Variants in GRID1 observed in about 807,000 individuals in gnomAD.
GRID1 encodes glutamate ionotropic receptor delta type subunit 1, also known as glutamate receptor ionotropic, delta-1.
A neutral mutation model predicts 98.0 loss-of-function variants in GRID1; 28 were observed. The ratio of observed to expected loss-of-function variants is 0.29; its 90% CI spans 0.21 to 0.39. The LOEUF (loss-of-function observed/expected upper bound fraction) is 0.39, where lower values mean the gene tolerates loss of function less well. Among genes scored for constraint, GRID1 ranks in the 10% least tolerant of loss-of-function variants. The pLI, the probability that GRID1 is intolerant of heterozygous loss-of-function variation, is 1.00. For missense variants in GRID1, 1,111 were observed against 1,340.5 expected (o/e 0.83, Z 2.67); for synonymous variants, 553 against 538.5 (o/e 1.03, Z -0.37).
intron 5 of GRID1, among the ~76,000 whole-genome samples, chr10:85,879,690 C>T (rs977572063): frequency 5.3e-5 from 8 of 151,788 alleles, no homozygotes; most frequent in Non-Finnish European, 8.8e-5. Flanking sequence ...AAATTGACAC[C>T]CTAACATCAC....
At chr10:85,894,869 A>G (rs865874663) in intron 5 of GRID1, among the ~76,000 whole-genome samples, 2 of 151,472 alleles carry the variant, frequency 1.3e-5, no homozygotes, top group African/African-American at 4.9e-5. Context: ...TTAGCCCGGC[A>G]TGGTGGTGTG....
intron 4 of GRID1, among the ~76,000 whole-genome samples, chr10:86,105,190 AC>A (rs960466657): frequency 8.5e-5 from 13 of 152,148 alleles, no homozygotes; most frequent in African/African-American, 3.1e-4. Flanking sequence ...AAGAACTGTT[AC>A]CCCAAATACC....
intron 4 of GRID1, among the ~76,000 whole-genome samples, chr10:86,080,282 C>T (rs1465763243): frequency 1.3e-5 from 2 of 150,916 alleles, no homozygotes; most frequent in East Asian, 3.9e-4. Flanking sequence ...TGCAGTGAGC[C>T]AAGATCGTGC....
chr10:85,755,688 C>T (rs574439623), intron 8 of GRID1, among the ~76,000 whole-genome samples: 34 of 152,282 alleles, frequency 2.2e-4, no homozygotes, highest in African/African-American at 4.1e-4. Flanking sequence ...GTGGCACTTC[C>T]GCTCGGGCAC....
chr10:86,237,932 G>C (rs1430714902), intron 2 of GRID1, among the ~76,000 whole-genome samples: 1 of 152,106 alleles, frequency 6.6e-6, no homozygotes, highest in Non-Finnish European at 1.5e-5. Flanking sequence ...ACAGCAAATT[G>C]GTATTGAGAA....
At chr10:86,066,178 G>A (rs184282190) in intron 4 of GRID1, among the ~76,000 whole-genome samples, 85 of 152,268 alleles carry the variant, frequency 5.6e-4, no homozygotes, top group African/African-American at 1.6e-3. Context: ...GACTCGATTC[G>A]GAAGAAAGTT....
chr10:86,238,430 G>A (rs1202718403), intron 2 of GRID1, among the ~76,000 whole-genome samples: 4 of 152,208 alleles, frequency 2.6e-5, no homozygotes, highest in Admixed American at 1.3e-4. Flanking sequence ...GGGAGGCTGA[G>A]GCAGGCAGAT....
intron 2 of GRID1, among the ~76,000 whole-genome samples, chr10:86,338,298 C>A (rs975632041): frequency 3.3e-5 from 5 of 152,102 alleles, no homozygotes; most frequent in Non-Finnish European, 4.4e-5. Flanking sequence ...AGACCTCTTT[C>A]CCCTCGAGTG....
At chr10:85,979,150 T>G (rs1037634952) in intron 4 of GRID1, among the ~76,000 whole-genome samples, 1 of 152,030 alleles carries the variant, frequency 6.6e-6, no homozygotes, top group African/African-American at 2.4e-5. Context: ...AGGTTGTGAG[T>G]GCACAGAGGA....
intron 3 of GRID1, among the ~76,000 whole-genome samples, chr10:86,174,030 T>C (rs1017850791): frequency 3.3e-5 from 5 of 152,172 alleles, no homozygotes; most frequent in African/African-American, 1.2e-4. Flanking sequence ...AGTGCCACAA[T>C]AGACATACGT....
At position 86,061,412 on chromosome 10, in the gene GRID1, A is replaced by G. The variant is rs539668947; in HGVS notation, c.726+77407T>C. Reference sequence around the variant, plus strand: ...CCTGTCTGTCTAGGACTCCCTTTCCATTGTGAAAGCAGCCACCTCCCAGTA... The same window carrying G: ...CCTGTCTGTCTAGGACTCCCTTTCCGTTGTGAAAGCAGCCACCTCCCAGTA... On this transcript the variant is annotated intron_variant, in intron 4 of 15. Transcript: ENST00000327946. Among the ~76,000 whole-genome samples the G allele has an allele frequency of 9.6e-4, 146 of 152,130 alleles. No homozygotes were observed. The South Asian group carries it at 0.012, about 13-fold the overall frequency.
chr10:86,062,031 C>T (rs569350997), intron 4 of GRID1, among the ~76,000 whole-genome samples: 6 of 152,262 alleles, frequency 3.9e-5, no homozygotes, highest in Non-Finnish European at 5.9e-5. Flanking sequence ...ACAGGCTGAG[C>T]GACAATCCTG....
At chr10:85,717,823 T>C (rs950919285) in intron 12 of GRID1, among the ~76,000 whole-genome samples, 8 of 152,194 alleles carry the variant, frequency 5.3e-5, no homozygotes, top group African/African-American at 1.9e-4. Context: ...ACAATGGAGA[T>C]ACAGGTATTG....
rs772108088 is a variant in GRID1 at position 85,729,563 on chromosome 10, G to T, written c.1285C>A (p.Pro429Thr). The change falls in exon 9 of 16, where the codon CCC becomes ACC. Residue 429 changes from proline to threonine, a missense_variant. Around this residue, in one of 3 missense-constraint regions of GRID1, gnomAD observed 762 missense variants for 869.1 expected, o/e 0.88. Transcript: ENST00000327946. ...KGLNGSLQER[P>T]MGSRLQGLTL... ...AATCCTTGGAGGCGGCTGCCCATGG[G>T]CCTCTCTTGCAAGCTGCCATTCAAG... 1.5e-5 allele frequency: 24 copies of T among 1,612,892 alleles called. No individual in the cohort carries two copies. The South Asian group carries it at 2.4e-4, about 16-fold the overall frequency.
intron 2 of GRID1, among the ~76,000 whole-genome samples, chr10:86,312,611 A>G (rs1847846116): frequency 6.6e-6 from 1 of 152,214 alleles, no homozygotes; most frequent in South Asian, 2.1e-4. Context: ...TGGTTCCAAC[A>G]CTCACTAGTC....
At chr10:85,836,305 G>A (rs776656821) in intron 8 of GRID1, among the ~76,000 whole-genome samples, 2 of 152,152 alleles carry the variant, frequency 1.3e-5, no homozygotes, top group African/African-American at 4.8e-5. Context: ...CTCCCATGGA[G>A]GGATGGAAAT....
chr10:85,687,159 G>T (rs1841278685), intron 12 of GRID1, among the ~76,000 whole-genome samples: 1 of 151,882 alleles, frequency 6.6e-6, no homozygotes, highest in South Asian at 2.1e-4. Flanking sequence ...GATAATTTAG[G>T]AACCAATATT....
chr10:85,859,387 TGATGGATG>T (rs375821889), intron 6 of GRID1, among the ~76,000 whole-genome samples: 3 of 149,710 alleles, frequency 2.0e-5, no homozygotes, highest in African/African-American at 7.4e-5. Flanking sequence ...AGTGATGAAG[TGATGGATG>T]GATGGATGGA....
chr10:86,309,855 A>T (rs1180179627), intron 2 of GRID1, among the ~76,000 whole-genome samples: 1 of 152,148 alleles, frequency 6.6e-6, no homozygotes, highest in Non-Finnish European at 1.5e-5. Context: ...GCTGGGAGAG[A>T]CATCCTAAGA....
Sources: allele counts gnomAD v4.1 joint callset (sites outside exome capture counted in the v4.1 genomes callset), GRCh38; gene constraint gnomAD v4.1.1; regional missense constraint gnomAD v4.1.1; transcripts MANE v1.5; gene names NCBI Gene and HGNC (gene_info 2026-07-23, HGNC 2026-07-21).